The following GATAD2B variants were observed in gnomAD, a reference collection of about 807,000 sequenced individuals.
GATAD2B encodes transcriptional repressor p66-beta.
GATAD2B carries 8 observed loss-of-function variants against 64.3 expected under a neutral mutation model. The ratio of observed to expected loss-of-function variants is 0.12; its 90% CI spans 0.07 to 0.22. GATAD2B has a LOEUF of 0.22. GATAD2B is among the 10% of genes least tolerant of loss of function. The probability of loss-of-function intolerance (pLI) is 1.00; values close to 1 mark genes in which losing one functional copy is unlikely to be tolerated. For synonymous variants in GATAD2B, 281 were observed against 271.3 expected (o/e 1.04, Z -0.35); for missense variants, 453 against 752.0 (o/e 0.60, Z 4.65).
At chr1:153,890,554 G>C (rs2101948829) in intron 1 of GATAD2B, 1 of 151,452 alleles carries the variant, frequency 6.6e-6, no homozygotes, top group South Asian at 2.1e-4. Flanking sequence ...CCTGGCAGCT[G>C]CTCTTGGTTG....
intron 1 of GATAD2B, among the ~76,000 whole-genome samples, chr1:153,876,143 G>A (rs1676821924): frequency 7.1e-6 from 1 of 141,184 alleles, no homozygotes; most frequent in African/African-American, 2.6e-5. Flanking sequence ...CAGGAGAATC[G>A]CTTGAACCCG....
At chr1:153,814,428 A>G (rs1345094148) in intron 7 of GATAD2B, among the ~76,000 whole-genome samples, 2 of 152,220 alleles carry the variant, frequency 1.3e-5, no homozygotes, top group African/African-American at 4.8e-5. Context: ...CATTCACAGA[A>G]GACTAAACAC....
intron 1 of GATAD2B, among the ~76,000 whole-genome samples, chr1:153,886,940 G>T (rs1254504793): frequency 2.6e-5 from 4 of 151,948 alleles, no homozygotes; most frequent in Non-Finnish European, 1.5e-5. Flanking sequence ...ATTATTCACT[G>T]GTGTCCAATA....
intron 1 of GATAD2B, among the ~76,000 whole-genome samples, chr1:153,922,436 T>A (rs1571016677): frequency 7.0e-6 from 1 of 141,914 alleles, no homozygotes; most frequent in South Asian, 2.5e-4. Flanking sequence ...GGACACGAGC[T>A]GGGGGCGCGC....
chr1:153,908,041 G>T (rs750475882), intron 1 of GATAD2B, among the ~76,000 whole-genome samples: 1 of 152,182 alleles, frequency 6.6e-6, no homozygotes, highest in Non-Finnish European at 1.5e-5. Context: ...CTGACCTCAT[G>T]ATCTGCCTGC....
intron 1 of GATAD2B, among the ~76,000 whole-genome samples, chr1:153,868,825 C>G (rs770972279): frequency 6.6e-6 from 1 of 151,466 alleles, no homozygotes; most frequent in East Asian, 1.9e-4. Context: ...AGCCTCCCCT[C>G]CTGGGTTCAA....
chr1:153,812,724 C>T (rs7528513), intron 8 of GATAD2B, among the ~76,000 whole-genome samples: 77 of 152,250 alleles, frequency 5.1e-4, no homozygotes, highest in African/African-American at 1.7e-3. Flanking sequence ...AAACAAGGGA[C>T]TCTGATGGGT....
At chr1:153,908,146 ACACT>A (rs372594667) in intron 1 of GATAD2B, among the ~76,000 whole-genome samples, 11 of 152,092 alleles carry the variant, frequency 7.2e-5, no homozygotes, top group African/African-American at 2.4e-4. Context: ...ACACAAACAC[ACACT>A]CACGCACGCA....
At chr1:153,901,239 T>C (rs1677762405) in intron 1 of GATAD2B, among the ~76,000 whole-genome samples, 1 of 151,684 alleles carries the variant, frequency 6.6e-6, no homozygotes, top group African/African-American at 2.4e-5. Context: ...TTTATATGTT[T>C]GTATGTTAAG....
chr1:153,852,965 C>G lies in GATAD2B; in HGVS notation c.-1-24617G>C, dbSNP rs1411260659. On this transcript the variant is annotated intron_variant, in intron 1 of 10. Transcript: ENST00000368655. The stretch of plus-strand genomic sequence containing the variant: ...GTGTTAATGCTGCCACTGACACAGA[C>G]TTGGGTCTTCTCCACAGTGCCAGTC... 3.3e-6 allele frequency: 3 copies of G among 912,698 alleles called. No individual in the cohort carries two copies. The African/African-American group carries it at 4.9e-5, about 15-fold the overall frequency. 56.5% of individuals were successfully genotyped at this position (912,698 alleles called of 1,614,324 possible). A position where few individuals can be genotyped will look rare whatever the true frequency, so the allele number is the denominator to read the frequency against.
At chr1:153,841,659 C>T (rs1675499937) in intron 1 of GATAD2B, among the ~76,000 whole-genome samples, 1 of 152,108 alleles carries the variant, frequency 6.6e-6, no homozygotes, top group Non-Finnish European at 1.5e-5. Flanking sequence ...GAGTAGTATT[C>T]CATGGTATGG....
rs138922965 is a variant in GATAD2B, at chr1:153,817,398, T to C, written c.874A>G (p.Met292Val). ...GGTTGATAATTGATGGCGGGATTCA[T>C]GTTGGGTGTTGTGGTGCGTACAAGG... Reference protein sequence around the residue: ...PGLVRTTTPNMNPAINYQPQS... With the variant: ...PGLVRTTTPNVNPAINYQPQS... Residue 292 changes from methionine (M) to valine (V), a missense_variant, in exon 6 of 11, where the codon ATG becomes GTG. Met to Val is a conservative substitution (Grantham distance 21). This residue lies in a region of GATAD2B where 293 missense variants were observed against 417.2 expected (regional missense o/e 0.70). Transcript: ENST00000368655. The C allele has an allele frequency of 3.2e-6, 5 of 1,585,492 alleles. No individual in the cohort carries two copies. Among genetic ancestry groups the C allele is most frequent in the East Asian group, 4.5e-5 (2 of 44,166 alleles).
intron 1 of GATAD2B, among the ~76,000 whole-genome samples, chr1:153,837,949 T>C (rs1195058446): frequency 6.6e-6 from 1 of 152,224 alleles, no homozygotes; most frequent in Non-Finnish European, 1.5e-5. Flanking sequence ...CCAAACATGC[T>C]ATTGGACACT....
chr1:153,854,244 T>C (rs1676006098), intron 1 of GATAD2B, among the ~76,000 whole-genome samples: 5 of 151,820 alleles, frequency 3.3e-5, no homozygotes, highest in Admixed American at 3.3e-4. Context: ...CTACTAAAAA[T>C]ACAAAAAAAT....
At chr1:153,818,943 T>G in intron 3 of GATAD2B, 21 bp from the exon 4 acceptor site, 1 of 1,605,144 alleles carries the variant, frequency 6.2e-7, no homozygotes, top group Non-Finnish European at 8.5e-7. Flanking sequence ...AAGAAGACTT[T>G]CAGCTATGGC....
At chr1:153,920,584 A>G (rs1366359358) in intron 1 of GATAD2B, among the ~76,000 whole-genome samples, 1 of 152,208 alleles carries the variant, frequency 6.6e-6, no homozygotes, top group African/African-American at 2.4e-5. Flanking sequence ...GACTGCCTCT[A>G]AACAGGAAGT....
At chr1:153,841,551 T>A (rs895390324) in intron 1 of GATAD2B, among the ~76,000 whole-genome samples, 1 of 152,192 alleles carries the variant, frequency 6.6e-6, no homozygotes, top group Non-Finnish European at 1.5e-5. Context: ...AATCATAGAG[T>A]ATGTAACTTT....
chr1:153,876,182 C>G (rs1457952709), intron 1 of GATAD2B, among the ~76,000 whole-genome samples: 1 of 128,236 alleles, frequency 7.8e-6, no homozygotes, highest in Non-Finnish European at 1.6e-5. Flanking sequence ...GAGCTGAGAT[C>G]GCGCCACTAC....
chr1:153,906,998 T>C (rs940806926), intron 1 of GATAD2B, among the ~76,000 whole-genome samples: 3 of 152,102 alleles, frequency 2.0e-5, no homozygotes, highest in South Asian at 2.1e-4. Context: ...CAAAAAATAA[T>C]AACAAGTGTT....
Sources: allele counts gnomAD v4.1 joint callset (sites outside exome capture counted in the v4.1 genomes callset), GRCh38; gene constraint gnomAD v4.1.1; regional missense constraint gnomAD v4.1.1; transcripts MANE v1.5; gene names NCBI Gene and HGNC (gene_info 2026-07-23, HGNC 2026-07-21).